The following PCDH11X variants were observed in gnomAD, a reference collection of about 807,000 sequenced individuals.
PCDH11X encodes the protein protocadherin 11 X-linked, also known as protocadherin-11 X-linked.
A neutral mutation model predicts 53.3 loss-of-function variants in PCDH11X; 18 were observed. That is an observed-to-expected ratio of 0.34 (90% confidence interval 0.23 to 0.50). The LOEUF is 0.50. PCDH11X is among the 20% of genes least tolerant of loss of function. The probability of loss-of-function intolerance (pLI) is 0.98; values close to 1 mark genes in which losing one functional copy is unlikely to be tolerated. For synonymous variants in PCDH11X, 279 were observed against 393.3 expected (o/e 0.71, Z 3.44); for missense variants, 570 against 1,032.4 (o/e 0.55, Z 6.14).
chrX:92,265,378 A>C (rs1022944842), intron 8 of PCDH11X, among the ~76,000 whole-genome samples: 3 of 111,043 alleles, frequency 2.7e-5, no homozygotes, highest in Non-Finnish European at 5.6e-5. Context: ...TGTCAAGCCG[A>C]GCTCAGGGGC....
chrX:92,276,513 C>T (rs1225764474), intron 8 of PCDH11X, among the ~76,000 whole-genome samples: 1 of 110,410 alleles, frequency 9.1e-6, no homozygotes, highest in Non-Finnish European at 1.9e-5. Context: ...AGATTACTGG[C>T]ACTTGTAGCA....
intron 6 of PCDH11X, among the ~76,000 whole-genome samples, chrX:92,102,913 G>A (rs770243154): frequency 9.0e-6 from 1 of 111,584 alleles, no homozygotes; most frequent in East Asian, 2.9e-4. Flanking sequence ...GAGTTTATAG[G>A]CTTTAAAAGG....
chrX:92,299,101 A>G lies in PCDH11X; in HGVS notation c.3144+35958A>G, dbSNP rs34225344. 3.2e-3 allele frequency among the ~76,000 whole-genome samples: 350 copies of G among 111,096 alleles called. 2 individuals carry two copies. The highest frequency in any genetic ancestry group is 0.019 in the Middle Eastern group (4 of 213). On this transcript the variant is annotated intron_variant, in intron 8 of 10. Coordinates refer to ENST00000682573, the MANE Select transcript of PCDH11X (RefSeq NM_032968.5). The stretch of plus-strand genomic sequence containing the variant: ...GTTTGGGGAGTTCCTTTAGTCCCCA[A>G]TAAAGCTTGTTTGTGGAGGCCTGCG...
At chrX:92,218,738 C>T (rs2066783160) in intron 7 of PCDH11X, among the ~76,000 whole-genome samples, 2 of 111,271 alleles carry the variant, frequency 1.8e-5, no homozygotes, top group South Asian at 7.5e-4. Context: ...GACAGAGACA[C>T]AACCAAAAAA....
intron 6 of PCDH11X, among the ~76,000 whole-genome samples, chrX:92,138,830 G>A: frequency 9.1e-6 from 1 of 110,063 alleles, no homozygotes; most frequent in East Asian, 2.8e-4. Context: ...AACAGTATTT[G>A]TATGCAGAAA....
chrX:91,907,675 TTAGA>T (rs1941231953), intron 6 of PCDH11X, among the ~76,000 whole-genome samples: 1 of 107,034 alleles, frequency 9.3e-6, no homozygotes, highest in Non-Finnish European at 1.9e-5. Context: ...TTCAAGTTTG[TTAGA>T]TAGGTAAACT....
At position 92,065,605 on chromosome X, in the gene PCDH11X, G is replaced by A. The variant is rs192346473; in HGVS notation, c.3034-135770G>A. On this transcript the variant is annotated intron_variant, in intron 6 of 10. Coordinates refer to ENST00000682573, the MANE Select transcript of PCDH11X (RefSeq NM_032968.5). ...TAGTTTTGATTTAAATTTCTCTGAG[G>A]ATCAATGATGTTGAGCACTTTTTAT... Among the ~76,000 whole-genome samples the A allele has an allele frequency of 5.1e-4, 57 of 111,674 alleles. 1 individual carries two copies. In the East Asian group the frequency reaches 0.015, roughly 28 times the overall value.
chrX:91,808,497 GA>G (rs59633527), intron 1 of PCDH11X, among the ~76,000 whole-genome samples: 41 of 96,242 alleles, frequency 4.3e-4, no homozygotes, highest in African/African-American at 3.8e-4. Context: ...TCTGTCTCAA[GA>G]AAAAAAAAAA....
At chrX:92,099,435 C>A (rs1323844217) in intron 6 of PCDH11X, among the ~76,000 whole-genome samples, 1 of 108,459 alleles carries the variant, frequency 9.2e-6, no homozygotes, top group African/African-American at 3.4e-5. Context: ...AGCTGTGAGC[C>A]AGGTGTCTTC....
At chrX:92,298,202 G>A (rs1040042275) in intron 8 of PCDH11X, among the ~76,000 whole-genome samples, 5 of 111,516 alleles carry the variant, frequency 4.5e-5, no homozygotes, top group Admixed American at 2.9e-4. Context: ...AGTGGTGAGA[G>A]AGAGAGCATT....
intron 5 of PCDH11X, among the ~76,000 whole-genome samples, chrX:91,845,483 A>G (rs1937615944): frequency 9.2e-6 from 1 of 108,649 alleles, no homozygotes; most frequent in South Asian, 4.0e-4. Context: ...AAGAAGTAAC[A>G]ATGACCATGC....
chrX:92,183,248 C>CTTTT (rs60978254), intron 6 of PCDH11X, among the ~76,000 whole-genome samples: 16 of 52,289 alleles, frequency 3.1e-4, no homozygotes, highest in Non-Finnish European at 3.8e-4. Context: ...CTAGAGAAAC[C>CTTTT]TTTTTTTTTT....
At chrX:91,879,636 C>G in intron 6 of PCDH11X, 1 of 902,049 alleles carries the variant, frequency 1.1e-6, no homozygotes, top group Non-Finnish European at 1.4e-6. Flanking sequence ...CTAGATACAT[C>G]ACATTAAAGC....
chrX:92,466,702 C>A (rs2073163325), intron 9 of PCDH11X, among the ~76,000 whole-genome samples: 1 of 109,965 alleles, frequency 9.1e-6, no homozygotes, highest in African/African-American at 3.3e-5. Context: ...TGTTTGTTTT[C>A]TTTTTTATTG....
chrX:92,344,224 T>A (rs1603280059), intron 8 of PCDH11X, among the ~76,000 whole-genome samples: 1 of 107,937 alleles, frequency 9.3e-6, no homozygotes, highest in Non-Finnish European at 1.9e-5. Flanking sequence ...TAATGAATGA[T>A]GATGTTTGAA....
intron 5 of PCDH11X, among the ~76,000 whole-genome samples, chrX:91,846,525 G>A (rs745996452): frequency 7.2e-4 from 79 of 109,393 alleles, no homozygotes; most frequent in African/African-American, 2.6e-3. Flanking sequence ...GGCTGAGGCA[G>A]GAGAACAGCG....
At chrX:92,182,984 G>C (rs746333195) in intron 6 of PCDH11X, among the ~76,000 whole-genome samples, 5 of 111,221 alleles carry the variant, frequency 4.5e-5, no homozygotes, top group Admixed American at 3.9e-4. Context: ...CTCTTCTTGA[G>C]TCTTTAACAT....
At chrX:92,383,555 T>C (rs937596023) in intron 8 of PCDH11X, among the ~76,000 whole-genome samples, 1 of 110,713 alleles carries the variant, frequency 9.0e-6, no homozygotes, top group Non-Finnish European at 1.9e-5. Flanking sequence ...AACTCCCACT[T>C]AAGAGTGACA....
intron 5 of PCDH11X, among the ~76,000 whole-genome samples, chrX:91,858,261 T>A (rs773510583): frequency 1.8e-5 from 2 of 110,481 alleles, no homozygotes; most frequent in East Asian, 2.9e-4. Context: ...AGCAAGGCCC[T>A]GGTCCCAGCT....
Sources: allele counts gnomAD v4.1 joint callset (sites outside exome capture counted in the v4.1 genomes callset), GRCh38; gene constraint gnomAD v4.1.1; transcripts MANE v1.5; gene names NCBI Gene and HGNC (gene_info 2026-07-23, HGNC 2026-07-21).